NFYA: variants seen among roughly 807,000 people sequenced by gnomAD.
The protein encoded by NFYA is CAAT-box DNA binding protein subunit A.
Under a neutral mutation model 52.8 loss-of-function variants are expected in NFYA, and 28 were observed. The observed-to-expected ratio is 0.53, with a 90% CI of 0.39 to 0.73. The LOEUF is 0.73. NFYA is among the 30% of genes least tolerant of loss of function. The probability of loss-of-function intolerance (pLI) is 0.00; values close to 1 mark genes in which losing one functional copy is unlikely to be tolerated. For missense variants in NFYA, 234 were observed against 427.0 expected, an observed-to-expected ratio of 0.55 and a Z score of 3.98; for synonymous variants, 150 against 150.7, an observed-to-expected ratio of 1.00 and a Z score of 0.03.
In NFYA at chr6:41,092,965, A is replaced by G; in HGVS notation, c.768A>G (p.Gly256=). 2 of 1,614,078 alleles carry G rather than the reference A, an allele frequency of 1.2e-6. No homozygotes were observed. The highest frequency in any genetic ancestry group is 1.7e-6 in the Non-Finnish European group (2 of 1,179,984). Residue 256 remains glycine (G), a synonymous_variant, in exon 8 of 10, where the codon GGA becomes GGG. Transcript: ENST00000341376. The stretch of plus-strand genomic sequence containing the variant: ...CTATCCAAAGAATCCCTCTACCTGG[A>G]GCAGAGATGCTTGAAGAAGAGCCTC... ...VPAIQRIPLP[G]AEMLEEEPLY...
At chr6:41,079,270 C>G in intron 2 of NFYA, 106 bp downstream of exon 2, 1 of 1,063,382 alleles carries the variant, frequency 9.4e-7, no homozygotes, top group South Asian at 1.4e-5. Flanking sequence ...GATACCAGAT[C>G]TTGTGAGATA....
chr6:41,095,205 A>G (rs1236751888), intron 9 of NFYA, among the ~76,000 whole-genome samples: 1 of 152,118 alleles, frequency 6.6e-6, no homozygotes, highest in Admixed American at 6.5e-5. Context: ...CTGACATCCA[A>G]AGTGCTTACT....
chr6:41,086,623 C>A (rs1022952625), intron 4 of NFYA, among the ~76,000 whole-genome samples: 1 of 152,084 alleles, frequency 6.6e-6, no homozygotes. Context: ...GTAAAGCTTG[C>A]ACCCTCTAAG....
rs115202236 is a variant in NFYA at position 41,077,511 on chromosome 6, A to C, written c.-61-1518A>C. Among the ~76,000 whole-genome samples, 891 of 150,102 alleles carry C rather than the reference A, an allele frequency of 5.9e-3. 4 individuals carry two copies. Among genetic ancestry groups the C allele is most frequent in the Non-Finnish European group, 9.8e-3 (663 of 67,770 alleles). On this transcript the variant is annotated intron_variant, in intron 1 of 9. Coordinates refer to ENST00000341376, the MANE Select transcript of NFYA (RefSeq NM_002505.5). ...ATCATATATATTCGTTTACATCATA[A>C]CCTTAATTTTATTAGTTTATAGCCA...
chr6:41,080,774 C>T (rs776719481), intron 2 of NFYA, 37 bp from the exon 3 acceptor site: 1 of 1,554,178 alleles, frequency 6.4e-7, no homozygotes, highest in South Asian at 1.1e-5. Flanking sequence ...CATTTCCTTC[C>T]TGACATATTT....
At chr6:41,081,166 G>A (rs971044665) in intron 3 of NFYA, among the ~76,000 whole-genome samples, 1 of 152,194 alleles carries the variant, frequency 6.6e-6, no homozygotes, top group African/African-American at 2.4e-5. Context: ...TAAGTGACAG[G>A]AAGAAATTCT....
intron 4 of NFYA, 108 bp from the exon 5 acceptor site, chr6:41,089,463 TCTTTTTTC>T: frequency 8.3e-7 from 1 of 1,202,996 alleles, no homozygotes; most frequent in Non-Finnish European, 1.1e-6. Flanking sequence ...GAGCAGGACT[TCTTTTTTC>T]CTCTTCAGAA....
chr6:41,088,500 TTCAAGGTCCTC>T (rs1186423755), intron 4 of NFYA, among the ~76,000 whole-genome samples: 1 of 152,174 alleles, frequency 6.6e-6, no homozygotes, highest in East Asian at 1.9e-4. Flanking sequence ...GTTGGATTCT[TTCAAGGTCCTC>T]TCAAGGCCCT....
At chr6:41,080,919 T>C in intron 3 of NFYA, 22 bp downstream of exon 3, 4 of 1,585,344 alleles carry the variant, frequency 2.5e-6, no homozygotes, top group Non-Finnish European at 3.5e-6. Flanking sequence ...TCTGATTCTC[T>C]GTGAGCACTG....
In NFYA at chr6:41,098,581, C is replaced by T. The variant is rs1372724420; in HGVS notation, c.*1171C>T. On this transcript the variant is annotated 3_prime_UTR_variant, in exon 10 of 10. Transcript: ENST00000341376. ...GAAAGCACTGGTCAGTCACACTGTC[C>T]TGGACAGAGTCCAAGTTACCCACTA... 1 of 152,736 alleles carries T rather than the reference C, an allele frequency of 6.5e-6. No individual in the cohort carries two copies. The highest frequency in any genetic ancestry group is 1.9e-4 in the East Asian group (1 of 5,202). 9.5% of individuals were successfully genotyped at this position (152,736 alleles called of 1,614,324 possible). A position where few individuals can be genotyped will look rare whatever the true frequency, so the allele number is the denominator to read the frequency against.
At position 41,078,253 on chromosome 6, in the gene NFYA, G is replaced by T. The variant is rs1048538914; in HGVS notation, c.-61-776G>T. Among the ~76,000 whole-genome samples, 5 of 152,120 alleles carry T rather than the reference G, an allele frequency of 3.3e-5. No individual in the cohort carries two copies. In the East Asian group the frequency reaches 7.7e-4, roughly 23 times the overall value. ...TTGGTTTCTTCTTTCACACTGTATTGAGACACCTTGCAAATGATTAATTCC... is the reference window on the plus strand; with the variant it reads ...TTGGTTTCTTCTTTCACACTGTATTTAGACACCTTGCAAATGATTAATTCC... On this transcript the variant is annotated intron_variant, in intron 1 of 9. Coordinates refer to ENST00000341376, the MANE Select transcript of NFYA (RefSeq NM_002505.5).
At chr6:41,073,681 C>T (rs1056636639) in intron 1 of NFYA, among the ~76,000 whole-genome samples, 3 of 152,044 alleles carry the variant, frequency 2.0e-5, no homozygotes, top group African/African-American at 7.2e-5. Flanking sequence ...CGGCTGGCAA[C>T]GGGGCTGGCC....
At chr6:41,086,777 TATAAAC>T (rs1764057632) in intron 4 of NFYA, among the ~76,000 whole-genome samples, 1 of 152,130 alleles carries the variant, frequency 6.6e-6, no homozygotes, top group Admixed American at 6.5e-5. Flanking sequence ...ATAAAAGTGG[TATAAAC>T]ATATCAATGA....
intron 8 of NFYA, among the ~76,000 whole-genome samples, chr6:41,093,380 C>G (rs1199336499): frequency 2.0e-5 from 3 of 152,152 alleles, no homozygotes; most frequent in African/African-American, 7.2e-5. Context: ...ACCTGTTTCA[C>G]TGCTTTAATA....
At chr6:41,096,732 G>A (rs531502793) in intron 9 of NFYA, among the ~76,000 whole-genome samples, 1 of 152,174 alleles carries the variant, frequency 6.6e-6, no homozygotes, top group African/African-American at 2.4e-5. Flanking sequence ...ATTTATCCTT[G>A]TGTTAACACG....
chr6:41,081,840 T>C (rs958077444), intron 3 of NFYA, among the ~76,000 whole-genome samples: 2 of 152,230 alleles, frequency 1.3e-5, no homozygotes, highest in Non-Finnish European at 1.5e-5. Context: ...TCTGTAAGTC[T>C]TAGGTGTTAA....
chr6:41,093,825 G>A (rs1016142537), intron 8 of NFYA, among the ~76,000 whole-genome samples: 7 of 152,274 alleles, frequency 4.6e-5, no homozygotes, highest in African/African-American at 1.4e-4. Flanking sequence ...TCCACTAGCC[G>A]GAATTTAGTT....
chr6:41,089,532 A>T lies in NFYA; in HGVS notation c.310-47A>T, dbSNP rs182801943. On this transcript the variant is annotated intron_variant, in intron 4 of 9. Transcript: ENST00000341376. ...GGATAACTCTCGGGGACCAAAGGAG[A>T]CCAGTGTCAGTAGAGTACAATCCTT... The T allele has an allele frequency of 7.3e-6, 11 of 1,505,206 alleles. No homozygotes were observed. In the Admixed American group the frequency reaches 2.4e-4, roughly 33 times the overall value. The allele number at this position is 1,505,206 out of a possible 1,614,324, so 93.2% of individuals were successfully genotyped here.
At chr6:41,081,485 G>A (rs531809054) in intron 3 of NFYA, among the ~76,000 whole-genome samples, 9 of 146,722 alleles carry the variant, frequency 6.1e-5, no homozygotes, top group African/African-American at 2.3e-4. Flanking sequence ...GCGAGACTCC[G>A]TCTCAAAAAA....
Sources: gnomAD v4.1 joint callset for allele counts (sites outside exome capture counted in the v4.1 genomes callset) on GRCh38, gnomAD v4.1.1 for gene constraint, MANE v1.5 for transcripts, NCBI Gene and HGNC (gene_info 2026-07-23, HGNC 2026-07-21) for gene names.